B4GALT1: variants seen among roughly 807,000 people sequenced by gnomAD.
B4GALT1 encodes N-acetyllactosamine synthase.
B4GALT1 carries 16 observed loss-of-function variants against 34.9 expected under a neutral mutation model. That is an observed-to-expected ratio of 0.46 (90% confidence interval 0.31 to 0.70). The LOEUF is 0.70. Ranked by LOEUF, B4GALT1 falls within the 30% of genes least tolerant of loss-of-function variation. B4GALT1 has a pLI of 0.05. For missense variants in B4GALT1, 445 were observed against 530.5 expected (o/e 0.84, Z 1.58); for synonymous variants, 221 against 218.1 (o/e 1.01, Z -0.12).
chr9:33,168,946 C>A (rs2118366780), upstream of B4GALT1, among the ~76,000 whole-genome samples: 1 of 152,324 alleles, frequency 6.6e-6, no homozygotes, highest in Admixed American at 6.5e-5. Context: ...TCCCCAGAAT[C>A]TAAAAGGTGT....
downstream of B4GALT1, among the ~76,000 whole-genome samples, chr9:33,110,086 CTCCTGCTCACTGGTT>C (rs1839836498): frequency 6.6e-6 from 1 of 152,238 alleles, no homozygotes; most frequent in Non-Finnish European, 1.5e-5. Flanking sequence ...AAGGGTGGCT[CTCCTGCTCACTGGTT>C]TCCTGCAGCC....
intron 1 of B4GALT1, among the ~76,000 whole-genome samples, chr9:33,161,426 C>T (rs1225545176): frequency 6.6e-6 from 1 of 151,774 alleles, no homozygotes; most frequent in Non-Finnish European, 1.5e-5. Context: ...CCTCAGCTCA[C>T]CCGGCAATGG....
At chr9:33,107,723 GA>G (rs1412326140), downstream of B4GALT1, among the ~76,000 whole-genome samples, 1 of 152,310 alleles carries the variant, frequency 6.6e-6, no homozygotes, top group East Asian at 1.9e-4. Context: ...GGAAATGGCT[GA>G]GCCTAGGAGC....
chr9:33,133,163 A>C (rs1032863800), intron 2 of B4GALT1, among the ~76,000 whole-genome samples: 1 of 152,192 alleles, frequency 6.6e-6, no homozygotes, highest in Non-Finnish European at 1.5e-5. Flanking sequence ...TTGGCCTCCC[A>C]AAGTGCTGGG....
At chr9:33,169,672 C>T (rs572902295), upstream of B4GALT1, among the ~76,000 whole-genome samples, 10 of 152,144 alleles carry the variant, frequency 6.6e-5, no homozygotes, top group South Asian at 4.2e-4. Flanking sequence ...AGGTGCCTGC[C>T]ATCACGCCGG....
chr9:33,170,286 C>G (rs988462235), upstream of B4GALT1, among the ~76,000 whole-genome samples: 1 of 152,046 alleles, frequency 6.6e-6, no homozygotes, highest in African/African-American at 2.4e-5. Flanking sequence ...TGTTAAAATA[C>G]TTTTTAAATA....
the B4GALT1 span, among the ~76,000 whole-genome samples, chr9:33,183,129 C>T: frequency 6.6e-6 from 1 of 152,158 alleles, no homozygotes; most frequent in African/African-American, 2.4e-5. Context: ...GCACACTGCT[C>T]TGAGTAGTGT....
chr9:33,183,317 A>G, the B4GALT1 span, among the ~76,000 whole-genome samples: 3 of 151,794 alleles, frequency 2.0e-5, no homozygotes, highest in African/African-American at 7.3e-5. Context: ...TCATGCTGCT[A>G]TAAAGACACA....
chr9:33,134,865 AG>A (rs888481399), intron 2 of B4GALT1, among the ~76,000 whole-genome samples: 6 of 152,252 alleles, frequency 3.9e-5, no homozygotes, highest in African/African-American at 7.2e-5. Context: ...AGCTACACAA[AG>A]CCAGGGAATA....
At chr9:33,183,204 A>T in the B4GALT1 span, among the ~76,000 whole-genome samples, 4 of 152,142 alleles carry the variant, frequency 2.6e-5, no homozygotes, top group African/African-American at 9.7e-5. Flanking sequence ...TTTCCAGCTT[A>T]TCCATACTGT....
rs771892669 is a variant in B4GALT1 at position 33,120,818 on chromosome 9, G to C, written c.649-212C>G. Among the ~76,000 whole-genome samples, 55 of 152,286 alleles carry C rather than the reference G, an allele frequency of 3.6e-4. No homozygotes were observed. The Middle Eastern group carries it at 0.01, about 28-fold the overall frequency. On this transcript the variant is annotated intron_variant, in intron 2 of 5. Coordinates refer to ENST00000379731, the MANE Select transcript of B4GALT1 (RefSeq NM_001497.4). ...ATATCCTGCAGAAGGACTTGCATGT[G>C]TGTGAATGACTATGAACAACATTGT...
intron 1 of B4GALT1, among the ~76,000 whole-genome samples, chr9:33,156,879 A>G (rs1461784226): frequency 6.6e-6 from 1 of 152,218 alleles, no homozygotes; most frequent in Non-Finnish European, 1.5e-5. Context: ...GCCACATATC[A>G]AGGAAGAAGG....
rs1258833608 is a variant in B4GALT1 at position 33,120,565 on chromosome 9, A to C, written c.690T>G (p.Val230=). Residue 230 remains valine (V), a synonymous_variant, in exon 3 of 6, where the codon GTT becomes GTG. Coordinates refer to ENST00000379731, the MANE Select transcript of B4GALT1 (RefSeq NM_001497.4). ...AGTCCTTCAAGGCTTCTTGAAAGCC[A>C]ACATTGAGGAGCTTAGCACGATTGA... ...TIFNRAKLLN[V]GFQEALKDYD... is the part of the protein sequence containing the mutation. 1.2e-6 allele frequency: 2 copies of C among 1,614,144 alleles called. No individual in the cohort carries two copies. Among genetic ancestry groups the C allele is most frequent in the African/African-American group, 2.7e-5 (2 of 74,948 alleles).
intron 1 of B4GALT1, among the ~76,000 whole-genome samples, chr9:33,158,101 C>T (rs1441380056): frequency 6.6e-6 from 1 of 152,114 alleles, no homozygotes; most frequent in Non-Finnish European, 1.5e-5. Flanking sequence ...AGGCCTTTCA[C>T]GTTGCATATA....
At chr9:33,170,001 ACT>A, upstream of B4GALT1, among the ~76,000 whole-genome samples, 1 of 118,516 alleles carries the variant, frequency 8.4e-6, no homozygotes, top group South Asian at 2.6e-4. Context: ...ACGGAGTCTC[ACT>A]CTGTCACCCA....
At chr9:33,160,073 T>C (rs2118304205) in intron 1 of B4GALT1, among the ~76,000 whole-genome samples, 1 of 152,384 alleles carries the variant, frequency 6.6e-6, no homozygotes, top group South Asian at 2.1e-4. Context: ...CAATAAGTGA[T>C]ACTCATCTGC....
chr9:33,167,157 C>A lies in B4GALT1; in HGVS notation c.13G>T (p.Glu5Ter). MRLR[E>*]PLLSGSAAMP... ...GCGGCGCTGCCGCTCAGGAGCGGCTCCCGAAGCCTCATCTTCCCGCCGCCG... is the reference window on the plus strand; with the variant it reads ...GCGGCGCTGCCGCTCAGGAGCGGCTACCGAAGCCTCATCTTCCCGCCGCCG... Residue 5 changes from glutamate (E) to a stop codon, truncating the protein, a stop_gained, in exon 1 of 6, where the codon GAG becomes TAG. Transcript: ENST00000379731. LOFTEE classifies it high-confidence loss of function. 1 of 1,599,430 alleles carries A rather than the reference C, an allele frequency of 6.3e-7. No homozygotes were observed.
chr9:33,107,400 A>G (rs1839805700), downstream of B4GALT1, among the ~76,000 whole-genome samples: 2 of 152,140 alleles, frequency 1.3e-5, no homozygotes, highest in Non-Finnish European at 1.5e-5. Context: ...AATGTGGTCA[A>G]TGTGATCATC....
intron 1 of B4GALT1, among the ~76,000 whole-genome samples, chr9:33,137,603 T>G (rs1037829729): frequency 1.3e-5 from 2 of 151,914 alleles, no homozygotes; most frequent in East Asian, 3.9e-4. Context: ...ATCACAAGAA[T>G]TGCTTGAGGA....
Sources: allele counts gnomAD v4.1 joint callset (sites outside exome capture counted in the v4.1 genomes callset), GRCh38; gene constraint gnomAD v4.1.1; transcripts MANE v1.5; gene names NCBI Gene and HGNC (gene_info 2026-07-23, HGNC 2026-07-21).